ARFGEF2: variants seen among roughly 807,000 people sequenced by gnomAD.
ARFGEF2 encodes brefeldin A-inhibited guanine nucleotide-exchange protein 2.
Under a neutral mutation model 219.9 loss-of-function variants are expected in ARFGEF2, and 74 were observed. The ratio of observed to expected loss-of-function variants is 0.34; its 90% CI spans 0.28 to 0.41. The LOEUF is 0.41. ARFGEF2 is among the 10% of genes least tolerant of loss of function. ARFGEF2 has a pLI of 1.00. For synonymous variants in ARFGEF2, 733 were observed against 799.2 expected (o/e 0.92, Z 1.40); for missense variants, 1,743 against 2,218.3 (o/e 0.79, Z 4.30).
chr20:48,975,864 G>A (rs2091257994), intron 13 of ARFGEF2, 152 bp from the exon 14 acceptor site: 1 of 683,676 alleles, frequency 1.5e-6, no homozygotes, highest in African/African-American at 1.9e-5. Flanking sequence ...TAAAGTATCT[G>A]AATGATACTA....
Position 48,953,649 on chromosome 20 carries a change from T to C in ARFGEF2, c.697T>C (p.Leu233=), listed in dbSNP as rs2091086513. ...AAAVSPKFVR[L]KHSQAQSKPT... is the part of the protein sequence containing the mutation. ...AGCAGTATCCCCAAAGTTCGTTCGT[T>C]TGAAGCACAGTCAGGCACAAAGCAA... The change falls in exon 6 of 39, where the codon TTG becomes CTG. Residue 233 remains leucine, a synonymous_variant. Coordinates refer to ENST00000371917, the MANE Select transcript of ARFGEF2 (RefSeq NM_006420.3). The C allele has an allele frequency of 1.2e-6, 2 of 1,614,142 alleles. No individual in the cohort carries two copies. Among genetic ancestry groups the C allele is most frequent in the African/African-American group, 1.3e-5 (1 of 75,014 alleles).
chr20:48,940,381 A>C (rs1280333959), intron 1 of ARFGEF2, among the ~76,000 whole-genome samples: 1 of 152,230 alleles, frequency 6.6e-6, no homozygotes, highest in Non-Finnish European at 1.5e-5. Context: ...AAAAGTATGT[A>C]TGCTTATCAT....
chr20:49,032,813 G>A lies in ARFGEF2; in HGVS notation c.5182-210G>A, dbSNP rs1481082933. On this transcript the variant is annotated intron_variant, in intron 38 of 38. Coordinates refer to ENST00000371917, the MANE Select transcript of ARFGEF2 (RefSeq NM_006420.3). ...TCACCGTGTTGCCTAGGCTGGTCTC[G>A]ATCTCCTGAGCTCAAGCGATCCACC... 2.6e-5 allele frequency among the ~76,000 whole-genome samples: 4 copies of A among 151,864 alleles called. 1 individual carries two copies. Among genetic ancestry groups the A allele is most frequent in the Middle Eastern group, 6.4e-3 (2 of 314 alleles).
In ARFGEF2 at chr20:49,035,777, G is replaced by T; in HGVS notation, c.*2578G>T. ...CAATACTGCTGCTTTGAGCAATTTT[G>T]TTTCTCTTCATTGTCTGTTAGGGAA... On this transcript the variant is annotated 3_prime_UTR_variant, in exon 39 of 39. Transcript: ENST00000371917. The T allele has an allele frequency of 3.2e-5, 5 of 157,578 alleles. No individual in the cohort carries two copies. Among genetic ancestry groups the T allele is most frequent in the East Asian group, 1.8e-4 (1 of 5,496 alleles). 9.8% of individuals were successfully genotyped at this position (157,578 alleles called of 1,614,324 possible).
At chr20:48,924,636 C>CA (rs1436733645) in intron 1 of ARFGEF2, among the ~76,000 whole-genome samples, 1 of 151,752 alleles carries the variant, frequency 6.6e-6, no homozygotes, top group Non-Finnish European at 1.5e-5. Flanking sequence ...AATGACGGCT[C>CA]AAAGTTGAAA....
At chr20:48,999,713 C>CTCCA (rs1362572740) in intron 25 of ARFGEF2, among the ~76,000 whole-genome samples, 2 of 149,140 alleles carry the variant, frequency 1.3e-5, no homozygotes, top group African/African-American at 2.5e-5. Context: ...TGCCACTGCC[C>CTCCA]TCCAGCCTGG....
intron 6 of ARFGEF2, among the ~76,000 whole-genome samples, chr20:48,956,792 C>T (rs967576677): frequency 6.6e-6 from 1 of 152,176 alleles, no homozygotes; most frequent in Non-Finnish European, 1.5e-5. Context: ...GTTGGCCAGG[C>T]TGATCTCGAA....
intron 9 of ARFGEF2, among the ~76,000 whole-genome samples, chr20:48,970,230 G>A (rs56308621): frequency 0.095 from 14,516 of 152,164 alleles, 904 homozygotes; most frequent in Non-Finnish European, 0.13. Context: ...CAAGAGAATC[G>A]CTTGAACCCA....
intron 25 of ARFGEF2, among the ~76,000 whole-genome samples, chr20:48,999,746 TAA>T (rs761792091): frequency 9.0e-5 from 10 of 111,392 alleles, no homozygotes; most frequent in Non-Finnish European, 3.6e-5. Flanking sequence ...GACTCCGTCT[TAA>T]AAAAAAAAAA....
chr20:48,964,930 CAG>C (rs2091178495), intron 7 of ARFGEF2, among the ~76,000 whole-genome samples: 1 of 152,066 alleles, frequency 6.6e-6, no homozygotes, highest in Non-Finnish European at 1.5e-5. Context: ...AAATGTGTTT[CAG>C]TTACTTATGT....
At chr20:49,002,296 G>T (rs761983334) in intron 25 of ARFGEF2, among the ~76,000 whole-genome samples, 2 of 152,142 alleles carry the variant, frequency 1.3e-5, no homozygotes, top group Non-Finnish European at 2.9e-5. Context: ...ACAATTTTAA[G>T]TGTGCGGTTC....
intron 16 of ARFGEF2, 89 bp downstream of exon 16, chr20:48,985,702 T>TTCC (rs2091323065): frequency 2.2e-6 from 3 of 1,372,908 alleles, no homozygotes; most frequent in Non-Finnish European, 3.1e-6. Context: ...AATCTTTGTA[T>TTCC]ATCTGTGCCA....
intron 14 of ARFGEF2, among the ~76,000 whole-genome samples, chr20:48,976,596 C>T (rs2091263629): frequency 1.3e-5 from 2 of 152,148 alleles, no homozygotes; most frequent in East Asian, 1.9e-4. Flanking sequence ...ATCATGAGGT[C>T]AGGAGATCAA....
chr20:48,976,242 C>G (rs377739638), intron 14 of ARFGEF2, 43 bp downstream of exon 14: 354 of 1,607,444 alleles, frequency 2.2e-4, no homozygotes, highest in Non-Finnish European at 2.0e-4. Flanking sequence ...CTAGCAAAGC[C>G]ATATTTTCTC....
intron 1 of ARFGEF2, among the ~76,000 whole-genome samples, chr20:48,929,485 A>G (rs1423732567): frequency 6.6e-6 from 1 of 152,228 alleles, no homozygotes; most frequent in Admixed American, 6.5e-5. Flanking sequence ...AACAAGGACC[A>G]TGTTCTGAAG....
At chr20:48,922,672 G>A (rs1465263372) in intron 1 of ARFGEF2, among the ~76,000 whole-genome samples, 2 of 152,246 alleles carry the variant, frequency 1.3e-5, no homozygotes, top group African/African-American at 4.8e-5. Flanking sequence ...CGCACAGTAG[G>A]TGCTCGATAA....
intron 36 of ARFGEF2, among the ~76,000 whole-genome samples, chr20:49,025,848 G>A (rs1370265779): frequency 6.6e-6 from 1 of 152,092 alleles, no homozygotes; most frequent in South Asian, 2.1e-4. Context: ...CAGGTGTGGT[G>A]GTGCAAACCC....
At chr20:48,957,244 C>G (rs982557988) in intron 6 of ARFGEF2, among the ~76,000 whole-genome samples, 1 of 152,206 alleles carries the variant, frequency 6.6e-6, no homozygotes, top group African/African-American at 2.4e-5. Context: ...ATGCTTACCC[C>G]TCATTGGCTA....
At chr20:48,971,950 C>T (rs1364131714) in intron 10 of ARFGEF2, among the ~76,000 whole-genome samples, 1 of 152,138 alleles carries the variant, frequency 6.6e-6, no homozygotes, top group African/African-American at 2.4e-5. Context: ...TCATTTTAAC[C>T]AATATGGTCT....
Sources: gnomAD v4.1 joint callset for allele counts (sites outside exome capture counted in the v4.1 genomes callset) on GRCh38, gnomAD v4.1.1 for gene constraint, MANE v1.5 for transcripts, NCBI Gene and HGNC (gene_info 2026-07-23, HGNC 2026-07-21) for gene names.